Variants in ZNF395 observed in about 807,000 individuals in gnomAD.
ZNF395 encodes HD gene regulatory region-binding protein 2.
Under a neutral mutation model 57.7 loss-of-function variants are expected in ZNF395, and 20 were observed. The ratio of observed to expected loss-of-function variants is 0.35; its 90% CI spans 0.24 to 0.50. ZNF395 has a LOEUF of 0.50. ZNF395 is among the 20% of genes least tolerant of loss of function. The pLI, the probability that ZNF395 is intolerant of heterozygous loss-of-function variation, is 0.97. For missense variants in ZNF395, 606 were observed against 671.2 expected, an observed-to-expected ratio of 0.90 and a Z score of 1.07; for synonymous variants, 295 against 275.9, an observed-to-expected ratio of 1.07 and a Z score of -0.69.
intron 7 of ZNF395, 128 bp downstream of exon 7, chr8:28,351,367 T>C (rs763931375): frequency 2.9e-6 from 3 of 1,036,760 alleles, no homozygotes; most frequent in Non-Finnish European, 4.1e-6. Context: ...TTTTGTTTCC[T>C]TGTAGAAGAG....
chr8:28,359,604 T>G lies in ZNF395; in HGVS notation c.461A>C (p.Asp154Ala). The change falls in exon 3 of 10, where the codon GAT (aspartate) becomes GCT (alanine). Residue 154 changes from aspartate (D) to alanine (A), a missense_variant. Around this residue, in one of 3 missense-constraint regions of ZNF395, gnomAD observed 309 missense variants for 374.7 expected, o/e 0.82. Coordinates refer to ENST00000344423, the MANE Select transcript of ZNF395 (RefSeq NM_018660.3). This position sits in a 1 kb window ranked among gnomAD's most constrained non-coding sequence, Gnocchi z 4.7. ...CTCCCACACAAACCTCTTTGGGACA[T>G]CGATGTTCCTGGAGACGGGCCTGTA... ...LAYRPVSRNI[D>A]VPKRKSDAVE... is the part of the protein sequence containing the mutation. 6.2e-7 allele frequency: 1 copy of G among 1,600,332 alleles called. No individual in the cohort carries two copies. The highest frequency in any genetic ancestry group is 8.5e-7 in the Non-Finnish European group (1 of 1,171,600).
In ZNF395 at chr8:28,348,936, G is replaced by A. The variant is rs765827208; in HGVS notation, c.1431-106C>T. On this transcript the variant is annotated intron_variant, in intron 9 of 9. Transcript: ENST00000344423. ...AGCAGAGGCCAAAGGGGCAGCTCCC[G>A]GCAAAAGTCACCAGGACCAGGGGCC... 2.8e-5 allele frequency: 37 copies of A among 1,301,298 alleles called. No individual in the cohort carries two copies. In the Admixed American group the frequency reaches 4.8e-4, roughly 17 times the overall value. 80.6% of individuals were successfully genotyped at this position (1,301,298 alleles called of 1,614,324 possible). A position where few individuals can be genotyped will look rare whatever the true frequency, so the allele number is the denominator to read the frequency against.
rs748018423 is a variant in ZNF395, at chr8:28,351,672, C to T, written c.1056G>A (p.Glu352=). ...GTPVPGTPTS[E]PAPTPSMTGL... is the part of the protein sequence containing the mutation. The stretch of plus-strand genomic sequence containing the variant: ...CAGTCATGCTGGGGGTGGGAGCTGG[C>T]TCGGAGGTGGGAGTCCCAGGGACTG... Residue 352 remains glutamate, a synonymous_variant, in exon 7 of 10, where the codon GAG becomes GAA. Transcript: ENST00000344423. The T allele has an allele frequency of 7.4e-6, 12 of 1,612,522 alleles. No individual in the cohort carries two copies. The Admixed American group carries it at 1.2e-4, about 16-fold the overall frequency.
intron 1 of ZNF395, among the ~76,000 whole-genome samples, chr8:28,374,919 A>G (rs1321734495): frequency 6.6e-6 from 1 of 152,228 alleles, no homozygotes; most frequent in African/African-American, 2.4e-5. Context: ...GATTCCTAAT[A>G]TAAATCCAAA....
In ZNF395 at chr8:28,360,984, G is replaced by A. The variant is rs571809320; in HGVS notation, c.141C>T (p.Thr47=). The A allele has an allele frequency of 1.2e-5, 19 of 1,612,826 alleles. No homozygotes were observed. In the East Asian group the frequency reaches 2.0e-4, roughly 17 times the overall value. ...LLEGAAPQPF[T]TSDDTPCQEQ... Reference sequence around the variant, plus strand: ...CCTGGCAGGGGGTGTCATCAGAGGTGGTGAAAGGCTGGGGAGCGGCCCCTT... The same window carrying A: ...CCTGGCAGGGGGTGTCATCAGAGGTAGTGAAAGGCTGGGGAGCGGCCCCTT... The change falls in exon 2 of 10, where the codon ACC becomes ACT. Residue 47 remains threonine, a synonymous_variant. Transcript: ENST00000344423.
intron 1 of ZNF395, among the ~76,000 whole-genome samples, chr8:28,365,104 C>T (rs966551573): frequency 3.9e-5 from 6 of 152,166 alleles, no homozygotes; most frequent in African/African-American, 1.4e-4. Context: ...TAGACTAATC[C>T]AGGCTGGGCA....
chr8:28,348,479 T>C lies in ZNF395; in HGVS notation c.*240A>G, dbSNP rs1801635500. Reference sequence around the variant, plus strand: ...TCACTGGTTCACTGCTGAATAGCCTTGGTCAGTTTTGGCTCTCTCCTATTT... The same window carrying C: ...TCACTGGTTCACTGCTGAATAGCCTCGGTCAGTTTTGGCTCTCTCCTATTT... On this transcript the variant is annotated 3_prime_UTR_variant, in exon 10 of 10. Coordinates refer to ENST00000344423, the MANE Select transcript of ZNF395 (RefSeq NM_018660.3). 3 of 471,866 alleles carry C rather than the reference T, an allele frequency of 6.4e-6. No homozygotes were observed. Among genetic ancestry groups the C allele is most frequent in the South Asian group, 6.2e-5 (3 of 48,280 alleles). The allele number at this position is 471,866 out of a possible 1,614,324, so 29.2% of individuals were successfully genotyped here. A position where few individuals can be genotyped will look rare whatever the true frequency, so the allele number is the denominator to read the frequency against.
chr8:28,364,695 G>A (rs1344551766), intron 1 of ZNF395, among the ~76,000 whole-genome samples: 1 of 151,446 alleles, frequency 6.6e-6, no homozygotes, highest in Non-Finnish European at 1.5e-5. Flanking sequence ...AACCCAGGAG[G>A]CAGAGGTTGC....
chr8:28,374,940 T>C (rs1802022647), intron 1 of ZNF395, among the ~76,000 whole-genome samples: 1 of 152,176 alleles, frequency 6.6e-6, no homozygotes, highest in African/African-American at 2.4e-5. Flanking sequence ...TCCCCTGAGC[T>C]AATGAGAAAA....
chr8:28,372,667 G>T (rs1355771938), intron 1 of ZNF395, among the ~76,000 whole-genome samples: 1 of 152,188 alleles, frequency 6.6e-6, no homozygotes, highest in Non-Finnish European at 1.5e-5. Flanking sequence ...TGTGCCTGCA[G>T]TCCCAGCTAC....
chr8:28,374,987 A>T lies in ZNF395; in HGVS notation c.-59+11406T>A, dbSNP rs113382367. Among the ~76,000 whole-genome samples the T allele has an allele frequency of 3.6e-3, 550 of 152,282 alleles. 3 individuals are homozygous for T. Among genetic ancestry groups the T allele is most frequent in the African/African-American group, 0.012 (509 of 41,544 alleles). On this transcript the variant is annotated intron_variant, in intron 1 of 9. Coordinates refer to ENST00000344423, the MANE Select transcript of ZNF395 (RefSeq NM_018660.3). ...CATCCCATTGCACAAACTCTAAAAC[A>T]TTATTATTCACTCACTGGGGACTCC...
At chr8:28,354,592 C>T (rs1446713904) in intron 4 of ZNF395, among the ~76,000 whole-genome samples, 1 of 152,182 alleles carries the variant, frequency 6.6e-6, no homozygotes, top group East Asian at 1.9e-4. Context: ...GCTCTCCTTA[C>T]ATCTCACATC....
intron 2 of ZNF395, among the ~76,000 whole-genome samples, chr8:28,360,271 G>C (rs561681864): frequency 3.3e-5 from 5 of 152,360 alleles, no homozygotes; most frequent in Admixed American, 3.3e-4. Context: ...CCTGGAAGTT[G>C]GCAGGCCACC....
At position 28,348,375 on chromosome 8, in the gene ZNF395, C is replaced by A. The variant is rs1163768241; in HGVS notation, c.*344G>T. On this transcript the variant is annotated 3_prime_UTR_variant, in exon 10 of 10. Coordinates refer to ENST00000344423, the MANE Select transcript of ZNF395 (RefSeq NM_018660.3). ...CCGACTCAGCAGGAAGCAGAACGAG[C>A]TGTTCCTTCTTTTGACACGCACAAG... 1 of 240,906 alleles carries A rather than the reference C, an allele frequency of 4.2e-6. No individual in the cohort carries two copies. Among genetic ancestry groups the A allele is most frequent in the East Asian group, 1.4e-4 (1 of 7,132 alleles). 14.9% of individuals were successfully genotyped at this position (240,906 alleles called of 1,614,324 possible). A position where few individuals can be genotyped will look rare whatever the true frequency, so the allele number is the denominator to read the frequency against.
chr8:28,380,443 C>G (rs540984069), intron 1 of ZNF395, among the ~76,000 whole-genome samples: 1 of 152,144 alleles, frequency 6.6e-6, no homozygotes, highest in Non-Finnish European at 1.5e-5. Context: ...ATCTGATGAG[C>G]GCGCCTTCTC....
intron 1 of ZNF395, among the ~76,000 whole-genome samples, chr8:28,364,150 AG>A (rs1232495030): frequency 6.6e-6 from 1 of 152,222 alleles, no homozygotes; most frequent in Non-Finnish European, 1.5e-5. Flanking sequence ...ATTTCTGATG[AG>A]GTGACAACCT....
chr8:28,382,963 G>C (rs1248187745), intron 1 of ZNF395, among the ~76,000 whole-genome samples: 2 of 152,166 alleles, frequency 1.3e-5, no homozygotes, highest in Non-Finnish European at 2.9e-5. Context: ...TTATATACAT[G>C]ATTGTATGTA....
intron 1 of ZNF395, among the ~76,000 whole-genome samples, chr8:28,378,983 G>A (rs966250857): frequency 2.0e-5 from 3 of 152,210 alleles, no homozygotes; most frequent in Non-Finnish European, 4.4e-5. Context: ...CAGCATGATC[G>A]CTGATCATTC....
intron 1 of ZNF395, among the ~76,000 whole-genome samples, chr8:28,371,645 A>T (rs568008410): frequency 6.6e-6 from 1 of 152,346 alleles, no homozygotes; most frequent in Admixed American, 6.5e-5. Context: ...GTGCATTATG[A>T]CAGCAAAGAA....
Sources: gnomAD v4.1 joint callset for allele counts (sites outside exome capture counted in the v4.1 genomes callset) on GRCh38, gnomAD v4.1.1 for gene constraint, gnomAD v4.1.1 regional missense constraint, Gnocchi (gnomAD v3.1) non-coding constraint, MANE v1.5 for transcripts, NCBI Gene and HGNC (gene_info 2026-07-23, HGNC 2026-07-21) for gene names.